The following MAGI2 variants were observed in gnomAD, a reference collection of about 807,000 sequenced individuals.
MAGI2 encodes the protein membrane associated guanylate kinase, WW and PDZ domain containing 2.
In MAGI2, 35 loss-of-function variants were observed where a neutral mutation model predicts 133.3. The observed-to-expected ratio is 0.26, with a 90% CI of 0.20 to 0.35. The LOEUF (loss-of-function observed/expected upper bound fraction) is 0.35, where lower values mean the gene tolerates loss of function less well. Among genes scored for constraint, MAGI2 ranks in the 10% least tolerant of loss-of-function variants. The pLI is 1.00. For synonymous variants in MAGI2, 729 were observed against 710.6 expected, an observed-to-expected ratio of 1.03 and a Z score of -0.41; for missense variants, 1,636 against 1,863.4, an observed-to-expected ratio of 0.88 and a Z score of 2.25.
At chr7:78,397,106 G>A (rs1328167029) in intron 6 of MAGI2, among the ~76,000 whole-genome samples, 1 of 151,984 alleles carries the variant, frequency 6.6e-6, no homozygotes, top group Non-Finnish European at 1.5e-5. Context: ...GTTTTCATGA[G>A]AATGTTTATA....
intron 2 of MAGI2, among the ~76,000 whole-genome samples, chr7:78,928,758 T>G (rs578256095): frequency 2.0e-5 from 3 of 152,154 alleles, no homozygotes; most frequent in Admixed American, 2.0e-4. Flanking sequence ...TAACAAGAAA[T>G]GCACCGGAGA....
At chr7:78,414,834 T>C (rs1435830447) in intron 6 of MAGI2, among the ~76,000 whole-genome samples, 1 of 152,106 alleles carries the variant, frequency 6.6e-6, no homozygotes, top group Non-Finnish European at 1.5e-5. Flanking sequence ...ATGCTTTTAA[T>C]AGTACTCAAA....
chr7:79,081,030 A>T (rs1815991734), intron 1 of MAGI2, among the ~76,000 whole-genome samples: 1 of 152,128 alleles, frequency 6.6e-6, no homozygotes. Context: ...CTTAGGATAG[A>T]AATCAAGGTC....
intron 6 of MAGI2, among the ~76,000 whole-genome samples, chr7:78,461,272 AG>A (rs1789957596): frequency 6.6e-6 from 1 of 152,200 alleles, no homozygotes; most frequent in Non-Finnish European, 1.5e-5. Context: ...GATAAATAAA[AG>A]CACTCTAAGA....
At chr7:78,240,935 AAAAG>A (rs1328015767) in intron 10 of MAGI2, among the ~76,000 whole-genome samples, 2 of 152,118 alleles carry the variant, frequency 1.3e-5, no homozygotes, top group African/African-American at 2.4e-5. Flanking sequence ...ATTTGGAAAA[AAAAG>A]AACTGTCTTC....
At chr7:78,345,114 C>T (rs1790763043) in intron 8 of MAGI2, among the ~76,000 whole-genome samples, 1 of 152,102 alleles carries the variant, frequency 6.6e-6, no homozygotes, top group Non-Finnish European at 1.5e-5. Context: ...CTTTTACTGT[C>T]CGCTTACATA....
intron 3 of MAGI2, among the ~76,000 whole-genome samples, chr7:78,613,412 T>C (rs1480549833): frequency 1.3e-5 from 2 of 152,168 alleles, no homozygotes; most frequent in Non-Finnish European, 2.9e-5. Context: ...AAAAAACATA[T>C]TAATTTGTAA....
intron 2 of MAGI2, among the ~76,000 whole-genome samples, chr7:78,700,450 T>C (rs903004023): frequency 6.6e-6 from 1 of 152,108 alleles, no homozygotes; most frequent in Admixed American, 6.6e-5. Context: ...TCTTTATTTT[T>C]CAGCTCCACA....
intron 13 of MAGI2, among the ~76,000 whole-genome samples, chr7:78,181,621 T>A (rs1332135660): frequency 6.6e-6 from 1 of 152,158 alleles, no homozygotes; most frequent in Non-Finnish European, 1.5e-5. Flanking sequence ...TCCTCAGGCA[T>A]TATGGAACAA....
At chr7:78,257,954 T>C (rs1048057822) in intron 9 of MAGI2, among the ~76,000 whole-genome samples, 5 of 152,222 alleles carry the variant, frequency 3.3e-5, no homozygotes, top group Non-Finnish European at 7.3e-5. Flanking sequence ...GTTGAACTTT[T>C]AGAGTTGACA....
chr7:79,368,847 CAAAAAAAAA>C (rs71095400), intron 1 of MAGI2, among the ~76,000 whole-genome samples: 9 of 75,354 alleles, frequency 1.2e-4, no homozygotes, highest in Middle Eastern at 8.3e-3. Flanking sequence ...GACTCCGTCT[CAAAAAAAAA>C]AAAAAAAAAA....
At chr7:78,277,831 T>G (rs949915905) in intron 9 of MAGI2, among the ~76,000 whole-genome samples, 1 of 152,076 alleles carries the variant, frequency 6.6e-6, no homozygotes, top group Non-Finnish European at 1.5e-5. Flanking sequence ...ACTATAGATG[T>G]GGTGGCTGTC....
chr7:79,229,754 T>A (rs1019756707), intron 1 of MAGI2, among the ~76,000 whole-genome samples: 6 of 152,148 alleles, frequency 3.9e-5, no homozygotes, highest in Non-Finnish European at 7.4e-5. Context: ...TTAGCAAAAT[T>A]TATTTGAAAA....
At chr7:78,825,339 A>G (rs1584041759) in intron 2 of MAGI2, among the ~76,000 whole-genome samples, 1 of 152,230 alleles carries the variant, frequency 6.6e-6, no homozygotes, top group Non-Finnish European at 1.5e-5. Flanking sequence ...TTAGCTCCCA[A>G]ATTACAAAAT....
intron 3 of MAGI2, chr7:78,617,648 C>G (rs560995382): frequency 1.3e-5 from 2 of 152,004 alleles, no homozygotes; most frequent in Non-Finnish European, 2.9e-5. Flanking sequence ...ACAAATATTA[C>G]TTTATAAATT....
rs758472567 is a variant in MAGI2, at chr7:78,127,241, G to T, written c.3379C>A (p.Pro1127Thr). ...PPLLDYRQHS[P>T]DTRQYPLSDY... Reference sequence around the variant, plus strand: ...GACAGAGGGTACTGCCTGGTGTCGGGGGAGTGCTGCCTGTAGTCCAGTAGG... The same window carrying T: ...GACAGAGGGTACTGCCTGGTGTCGGTGGAGTGCTGCCTGTAGTCCAGTAGG... Residue 1127 changes from proline (P) to threonine (T), a missense_variant, in exon 19 of 22, where the codon CCC (proline) becomes ACC (threonine). By Grantham distance (38) the Pro-to-Thr change is conservative. Around this residue, in one of 5 missense-constraint regions of MAGI2, gnomAD observed 920 missense variants for 1,093.5 expected, o/e 0.84. Coordinates refer to ENST00000354212, the MANE Select transcript of MAGI2 (RefSeq NM_012301.4). 6.2e-6 allele frequency: 10 copies of T among 1,606,676 alleles called. No homozygotes were observed. The highest frequency in any genetic ancestry group is 7.6e-6 in the Non-Finnish European group (9 of 1,176,594).
chr7:78,192,822 A>G (rs1244674083), intron 12 of MAGI2, among the ~76,000 whole-genome samples: 1 of 152,182 alleles, frequency 6.6e-6, no homozygotes, highest in African/African-American at 2.4e-5. Context: ...AGAGCTGATG[A>G]AAGCAGGAAG....
intron 9 of MAGI2, among the ~76,000 whole-genome samples, chr7:78,258,828 T>G (rs1031661849): frequency 7.9e-5 from 12 of 152,184 alleles, no homozygotes; most frequent in African/African-American, 2.9e-4. Flanking sequence ...TTAATAACAT[T>G]CATCCATTCT....
intron 1 of MAGI2, among the ~76,000 whole-genome samples, chr7:79,060,025 C>T (rs1813556256): frequency 6.6e-6 from 1 of 152,024 alleles, no homozygotes; most frequent in South Asian, 2.1e-4. Flanking sequence ...AGAAGCTTTG[C>T]CTTCAGCAGA....
Sources: gnomAD v4.1 joint callset for allele counts (sites outside exome capture counted in the v4.1 genomes callset) on GRCh38, gnomAD v4.1.1 for gene constraint, gnomAD v4.1.1 regional missense constraint, MANE v1.5 for transcripts, NCBI Gene and HGNC (gene_info 2026-07-23, HGNC 2026-07-21) for gene names.